The following JHY variants were observed in gnomAD, a reference collection of about 807,000 sequenced individuals.
JHY encodes jhy protein homolog.
JHY carries 69 observed loss-of-function variants against 78.0 expected under a neutral mutation model. The observed-to-expected ratio is 0.88, with a 90% CI of 0.73 to 1.08. The LOEUF is 1.08. Among genes scored for constraint, JHY ranks in the 50% least tolerant of loss-of-function variants. JHY has a pLI of 0.00. For synonymous variants in JHY, 368 were observed against 342.6 expected (o/e 1.07, Z -0.82); for missense variants, 944 against 927.8 (o/e 1.02, Z -0.23).
intron 2 of JHY, among the ~76,000 whole-genome samples, chr11:122,888,387 A>G (rs554936220): frequency 2.6e-5 from 4 of 152,344 alleles, no homozygotes; most frequent in South Asian, 2.1e-4. Flanking sequence ...TTAAAAGCCT[A>G]TCTTAGTTTC....
chr11:122,900,071 A>G (rs899140187), intron 2 of JHY, among the ~76,000 whole-genome samples: 1 of 152,234 alleles, frequency 6.6e-6, no homozygotes. Context: ...GCGAGGTTTT[A>G]GGCATCCCAT....
Position 122,934,879 on chromosome 11 carries a change from T to C in JHY, c.1438T>C (p.Phe480Leu). 1 of 1,613,970 alleles carries C rather than the reference T, an allele frequency of 6.2e-7. No individual in the cohort carries two copies. The highest frequency in any genetic ancestry group is 8.5e-7 in the Non-Finnish European group (1 of 1,179,974). ...ACACAAAGACCAAGAAGAGAAAAGA[T>C]TTTCATATCAGCAGCTACACACCCT... is the stretch of plus-strand genomic sequence containing the variant. ...RGHKDQEEKR[F>L]SYQQLHTLSD... is the part of the protein sequence containing the mutation. The change falls in exon 5 of 9, where the codon TTT (phenylalanine) becomes CTT (leucine). Residue 480 changes from phenylalanine (F) to leucine (L), a missense_variant. By Grantham distance (22) the Phe-to-Leu change is conservative. Transcript: ENST00000227349.
chr11:122,912,720 C>T (rs1300940727), intron 3 of JHY, among the ~76,000 whole-genome samples: 1 of 151,948 alleles, frequency 6.6e-6, no homozygotes, highest in Non-Finnish European at 1.5e-5. Context: ...TCCTGGATAA[C>T]AGAGTAAGAC....
chr11:122,908,675 G>A (rs900227087), intron 3 of JHY, among the ~76,000 whole-genome samples: 3 of 152,128 alleles, frequency 2.0e-5, no homozygotes, highest in African/African-American at 4.8e-5. Flanking sequence ...CTTGGGTACC[G>A]AGTGTGGAGG....
intron 1 of JHY, among the ~76,000 whole-genome samples, chr11:122,884,218 G>C (rs1054795255): frequency 1.3e-5 from 2 of 152,134 alleles, no homozygotes; most frequent in Non-Finnish European, 2.9e-5. Context: ...ACATATGAAC[G>C]TTCCCTTTTG....
rs971760140 is a variant in JHY, at chr11:122,918,828, G to A, written c.865-6069G>A. Among the ~76,000 whole-genome samples the A allele has an allele frequency of 1.6e-4, 25 of 151,570 alleles. 1 individual carries two copies. Among genetic ancestry groups the A allele is most frequent in the African/African-American group, 5.6e-4 (23 of 40,908 alleles). On this transcript the variant is annotated intron_variant, in intron 3 of 8. Coordinates refer to ENST00000227349, the MANE Select transcript of JHY (RefSeq NM_024806.4). Reference sequence around the variant, plus strand: ...TAGTACCCGTAGAGCTATACAGCAAGACAGCCCTGCACATGGTCCGTCCTT... The same window carrying A: ...TAGTACCCGTAGAGCTATACAGCAAAACAGCCCTGCACATGGTCCGTCCTT...
rs552299296 is a variant in JHY, at chr11:122,961,627, T to G, written c.*2182T>G. ...ACCTTGGCCTTCCAAAGTGCTGGGA[T>G]TACAGGCGTTAGCTACTACACCTGG... On this transcript the variant is annotated 3_prime_UTR_variant, in exon 9 of 9. Coordinates refer to ENST00000227349, the MANE Select transcript of JHY (RefSeq NM_024806.4). Among the ~76,000 whole-genome samples the G allele has an allele frequency of 2.0e-5, 3 of 152,300 alleles. No individual in the cohort carries two copies. Among genetic ancestry groups the G allele is most frequent in the African/African-American group, 7.2e-5 (3 of 41,570 alleles).
chr11:122,927,141 G>A (rs932989982), intron 4 of JHY: 36 of 152,166 alleles, frequency 2.4e-4, no homozygotes, highest in African/African-American at 8.7e-4. Flanking sequence ...AAATATAGTC[G>A]GCATTGGCAA....
chr11:122,918,267 G>GA (rs902497249), intron 3 of JHY, among the ~76,000 whole-genome samples: 36 of 151,308 alleles, frequency 2.4e-4, no homozygotes, highest in Non-Finnish European at 4.1e-4. Context: ...ATACATCCCT[G>GA]AAAAAAAACA....
chr11:122,924,316 C>T (rs1292958802), intron 3 of JHY, among the ~76,000 whole-genome samples: 1 of 152,060 alleles, frequency 6.6e-6, no homozygotes, highest in African/African-American at 2.4e-5. Flanking sequence ...GGAGATAGAC[C>T]ACCCAGCTCT....
At position 122,883,182 on chromosome 11, in the gene JHY, G is replaced by A. The variant is rs538637274; in HGVS notation, c.-90+210G>A. Among the ~76,000 whole-genome samples, 1 of 152,148 alleles carries A rather than the reference G, an allele frequency of 6.6e-6. No individual in the cohort carries two copies. Among genetic ancestry groups the A allele is most frequent in the African/African-American group, 2.4e-5 (1 of 41,448 alleles). On this transcript the variant is annotated intron_variant, in intron 1 of 8. Transcript: ENST00000227349. The surrounding 1 kb of genome is among the most constrained non-coding windows in gnomAD (Gnocchi z 4.4). ...GCCGCCATGCGAGGCTTCGGCGCCC[G>A]GGCACCCAGAGCAGCCCTGTTCCCG...
chr11:122,932,094 T>G (rs1489170478), intron 4 of JHY, among the ~76,000 whole-genome samples: 3 of 152,168 alleles, frequency 2.0e-5, no homozygotes, highest in Non-Finnish European at 4.4e-5. Context: ...CTGATGGAGA[T>G]TAAATCGTCT....
chr11:122,933,720 A>C (rs933629926), intron 4 of JHY, among the ~76,000 whole-genome samples: 1 of 152,212 alleles, frequency 6.6e-6, no homozygotes, highest in African/African-American at 2.4e-5. Context: ...TGAAGAGGTC[A>C]TTTCTAGCTT....
At chr11:122,928,710 A>C (rs921982260) in intron 4 of JHY, among the ~76,000 whole-genome samples, 5 of 152,144 alleles carry the variant, frequency 3.3e-5, no homozygotes, top group Non-Finnish European at 5.9e-5. Flanking sequence ...GTGCAGTGGC[A>C]CAATCTCGGC....
At position 122,959,605 on chromosome 11, in the gene JHY, G is replaced by A; in HGVS notation, c.*160G>A. ...AGGATTTAAAATATGAGGCCCAATT[G>A]GATTATGGTGCCATATTTTACTTTC... On this transcript the variant is annotated 3_prime_UTR_variant, in exon 9 of 9. Coordinates refer to ENST00000227349, the MANE Select transcript of JHY (RefSeq NM_024806.4). The A allele has an allele frequency of 7.8e-6, 5 of 641,886 alleles. No individual in the cohort carries two copies. The highest frequency in any genetic ancestry group is 5.0e-5 in the South Asian group (2 of 40,288). The allele number at this position is 641,886 out of a possible 1,614,324, so 39.8% of individuals were successfully genotyped here. A position where few individuals can be genotyped will look rare whatever the true frequency, so the allele number is the denominator to read the frequency against.
chr11:122,920,888 T>C lies in JHY; in HGVS notation c.865-4009T>C, dbSNP rs964797396. ...TCTAGTCTGGGATAATGACAAGCCA[T>C]GATTGCTGTCTTTGTTGTATCTTTT... On this transcript the variant is annotated intron_variant, in intron 3 of 8. Transcript: ENST00000227349. Among the ~76,000 whole-genome samples the C allele has an allele frequency of 1.1e-4, 17 of 152,224 alleles. 1 individual carries two copies. The highest frequency in any genetic ancestry group is 2.2e-4 in the Non-Finnish European group (15 of 68,044).
chr11:122,960,568 T>A lies in JHY; in HGVS notation c.*1123T>A, dbSNP rs995823155. 4.1e-6 allele frequency: 1 copy of A among 245,338 alleles called. No individual in the cohort carries two copies. The highest frequency in any genetic ancestry group is 4.0e-5 in the Admixed American group (1 of 25,100). The allele number at this position is 245,338 out of a possible 1,614,324, so 15.2% of individuals were successfully genotyped here. A position where few individuals can be genotyped will look rare whatever the true frequency, so the allele number is the denominator to read the frequency against. ...ACCAGTGTAACAGGACCCTATGTGC[T>A]CCAAACTGGGCTTATCTTGTATGCT... On this transcript the variant is annotated 3_prime_UTR_variant, in exon 9 of 9. Transcript: ENST00000227349.
At chr11:122,910,810 C>T (rs916792053) in intron 3 of JHY, among the ~76,000 whole-genome samples, 5 of 152,136 alleles carry the variant, frequency 3.3e-5, no homozygotes, top group African/African-American at 1.2e-4. Flanking sequence ...TAGGGTAGAA[C>T]TATTGATTTT....
intron 4 of JHY, among the ~76,000 whole-genome samples, chr11:122,928,918 G>C (rs1015142939): frequency 5.9e-5 from 9 of 151,854 alleles, no homozygotes; most frequent in African/African-American, 2.2e-4. Flanking sequence ...AAAGTGCCAG[G>C]ATTACAGGCG....
Sources: gnomAD v4.1 joint callset for allele counts (sites outside exome capture counted in the v4.1 genomes callset) on GRCh38, gnomAD v4.1.1 for gene constraint, Gnocchi (gnomAD v3.1) non-coding constraint, MANE v1.5 for transcripts, NCBI Gene and HGNC (gene_info 2026-07-23, HGNC 2026-07-21) for gene names.